CHODL: variants seen among roughly 807,000 people sequenced by gnomAD.
CHODL encodes transmembrane protein MT75.
In CHODL, 29 loss-of-function variants were observed where a neutral mutation model predicts 34.5. The ratio of observed to expected loss-of-function variants is 0.84; its 90% CI spans 0.63 to 1.15. The LOEUF is 1.15. Among genes scored for constraint, CHODL ranks in the 50% most tolerant of loss-of-function variants. CHODL has a pLI of 0.00. For synonymous variants in CHODL, 125 were observed against 116.1 expected (o/e 1.08, Z -0.49); for missense variants, 332 against 332.5 (o/e 1.00, Z 0.01).
intron 1 of CHODL, among the ~76,000 whole-genome samples, chr21:18,251,473 T>TTATTTATTTTATATATAAAATAAA (rs2074239255): frequency 2.3e-4 from 1 of 4,412 alleles, no homozygotes; most frequent in South Asian, 7.8e-3. Context: ...TTTATTTTAA[T>TTATTTATTTTATATATAAAATAAA]TATTTATTTT....
At chr21:18,127,649 A>G (rs1022014807) in intron 2 of CHODL, among the ~76,000 whole-genome samples, 4 of 148,358 alleles carry the variant, frequency 2.7e-5, no homozygotes, top group Admixed American at 6.8e-5. Context: ...TTTTGTGGTT[A>G]CATAACCAGT....
chr21:17,933,386 G>A (rs946719923), intron 1 of CHODL, among the ~76,000 whole-genome samples: 10 of 152,192 alleles, frequency 6.6e-5, no homozygotes, highest in African/African-American at 2.2e-4. Flanking sequence ...AGGTCCCTGC[G>A]GCCTTCCGCA....
At chr21:18,207,323 A>T (rs2073723503) in intron 2 of CHODL, among the ~76,000 whole-genome samples, 2 of 152,200 alleles carry the variant, frequency 1.3e-5, no homozygotes, top group South Asian at 4.1e-4. Context: ...CACTGATTGC[A>T]TAAACAAAGA....
chr21:18,160,807 T>G (rs1160016647), intron 2 of CHODL, among the ~76,000 whole-genome samples: 1 of 152,206 alleles, frequency 6.6e-6, no homozygotes, highest in African/African-American at 2.4e-5. Context: ...CATGCATGTG[T>G]CTTTATAACA....
At chr21:18,092,989 T>A (rs931750632) in intron 2 of CHODL, among the ~76,000 whole-genome samples, 1 of 152,006 alleles carries the variant, frequency 6.6e-6, no homozygotes, top group African/African-American at 2.4e-5. Flanking sequence ...TACGAGAAGG[T>A]TATAGAACAC....
At chr21:18,146,524 T>C (rs1442490929) in intron 2 of CHODL, among the ~76,000 whole-genome samples, 1 of 152,092 alleles carries the variant, frequency 6.6e-6, no homozygotes, top group Non-Finnish European at 1.5e-5. Flanking sequence ...TGCTCAGCAC[T>C]TCTCTCTCCT....
At chr21:18,065,625 G>C (rs1487034195) in intron 2 of CHODL, among the ~76,000 whole-genome samples, 1 of 152,124 alleles carries the variant, frequency 6.6e-6, no homozygotes, top group African/African-American at 2.4e-5. Flanking sequence ...AAAAGAACCA[G>C]ACAGAGCATC....
chr21:18,034,730 G>A (rs1218487892), intron 2 of CHODL: 2 of 152,064 alleles, frequency 1.3e-5, no homozygotes, highest in Non-Finnish European at 2.9e-5. Flanking sequence ...TATATAAATT[G>A]TCTGGGTAAT....
chr21:18,020,885 A>G (rs922878488), intron 1 of CHODL, among the ~76,000 whole-genome samples: 1 of 152,172 alleles, frequency 6.6e-6, no homozygotes, highest in African/African-American at 2.4e-5. Context: ...TGGGAGGATC[A>G]CTTGAGTCCA....
At chr21:18,071,149 T>TTC (rs1212271532) in intron 2 of CHODL, among the ~76,000 whole-genome samples, 4 of 147,604 alleles carry the variant, frequency 2.7e-5, no homozygotes, top group Admixed American at 6.8e-5. Context: ...CTACAGCATT[T>TTC]TTTTTTTTTT....
intron 2 of CHODL, among the ~76,000 whole-genome samples, chr21:18,228,718 C>G (rs906323537): frequency 6.6e-6 from 1 of 152,132 alleles, no homozygotes; most frequent in Non-Finnish European, 1.5e-5. Flanking sequence ...GATTTATCAA[C>G]AATTTTCTCT....
chr21:18,070,241 T>TA (rs34663892), intron 2 of CHODL, among the ~76,000 whole-genome samples: 7 of 151,676 alleles, frequency 4.6e-5, no homozygotes, highest in Non-Finnish European at 5.9e-5. Flanking sequence ...AAACTTTTTT[T>TA]AAAAAAGTTC....
intron 2 of CHODL, among the ~76,000 whole-genome samples, chr21:18,029,246 A>G (rs1056971273): frequency 1.3e-5 from 2 of 152,154 alleles, no homozygotes; most frequent in Non-Finnish European, 2.9e-5. Flanking sequence ...ACTCTAGGCA[A>G]TGTGTTAAAC....
intron 2 of CHODL, among the ~76,000 whole-genome samples, chr21:18,060,871 C>T (rs2064655099): frequency 6.6e-6 from 1 of 152,038 alleles, no homozygotes. Flanking sequence ...GAGATAATAG[C>T]TTATTCACTA....
intron 2 of CHODL, among the ~76,000 whole-genome samples, chr21:18,189,764 A>G (rs1038983474): frequency 6.6e-6 from 1 of 151,072 alleles, no homozygotes; most frequent in African/African-American, 2.4e-5. Context: ...CCTCCTGAAT[A>G]GCTGGGATTA....
chr21:17,961,045 G>A (rs1355089113), intron 1 of CHODL, among the ~76,000 whole-genome samples: 2 of 152,116 alleles, frequency 1.3e-5, no homozygotes, highest in Non-Finnish European at 2.9e-5. Context: ...GACATACAAA[G>A]ACGTGCCTTT....
intron 2 of CHODL, among the ~76,000 whole-genome samples, chr21:18,038,544 T>C (rs1235780112): frequency 6.6e-6 from 1 of 151,780 alleles, no homozygotes; most frequent in Non-Finnish European, 1.5e-5. Flanking sequence ...TTGCTTTCAC[T>C]GTATTTCCAT....
At chr21:18,005,221 A>G (rs574578837) in intron 1 of CHODL, among the ~76,000 whole-genome samples, 1 of 152,310 alleles carries the variant, frequency 6.6e-6, no homozygotes, top group Middle Eastern at 3.4e-3. Context: ...CCAGCTGCCA[A>G]TTTACTCTGT....
intron 2 of CHODL, among the ~76,000 whole-genome samples, chr21:18,086,710 C>A (rs1329038049): frequency 6.6e-6 from 1 of 152,134 alleles, no homozygotes; most frequent in Non-Finnish European, 1.5e-5. Context: ...CCAACTGACC[C>A]AGTCTTTTGG....
Sources: gnomAD v4.1 joint callset for allele counts (sites outside exome capture counted in the v4.1 genomes callset) on GRCh38, gnomAD v4.1.1 for gene constraint, MANE v1.5 for transcripts, NCBI Gene and HGNC (gene_info 2026-07-23, HGNC 2026-07-21) for gene names.